Variants in SNTG1 observed in about 807,000 individuals in gnomAD.
SNTG1 encodes syntrophin gamma 1, also known as gamma-1-syntrophin.
A neutral mutation model predicts 74.7 loss-of-function variants in SNTG1; 39 were observed. That is an observed-to-expected ratio of 0.52 (90% CI 0.40 to 0.68). The LOEUF is 0.68. Among genes scored for constraint, SNTG1 ranks in the 30% least tolerant of loss-of-function variants. SNTG1 has a pLI of 0.00. For missense variants in SNTG1, 685 were observed against 609.5 expected, an observed-to-expected ratio of 1.12 and a Z score of -1.30; for synonymous variants, 254 against 217.1, an observed-to-expected ratio of 1.17 and a Z score of -1.49.
rs117347591 is a variant in SNTG1, at chr8:50,758,346, G to A, written c.1395+6235G>A. Among the ~76,000 whole-genome samples the A allele has an allele frequency of 3.4e-3, 514 of 151,954 alleles. 1 individual carries two copies. Among genetic ancestry groups the A allele is most frequent in the Non-Finnish European group, 6.1e-3 (411 of 67,910 alleles). On this transcript the variant is annotated intron_variant, in intron 18 of 18. Coordinates refer to ENST00000642720, the MANE Select transcript of SNTG1 (RefSeq NM_018967.5). ...TTTAATTGTTTTTATTATAATTTAA[G>A]TTCAGAGATAAATGTGCAGAATGTG...
At chr8:50,671,515 A>T (rs746927818) in intron 15 of SNTG1, among the ~76,000 whole-genome samples, 253 of 152,286 alleles carry the variant, frequency 1.7e-3, no homozygotes, top group Non-Finnish European at 2.6e-3. Context: ...CACCAGTTAG[A>T]ATGGCGATCA....
chr8:49,978,366 G>A (rs1812378424), intron 1 of SNTG1, among the ~76,000 whole-genome samples: 1 of 152,078 alleles, frequency 6.6e-6, no homozygotes, highest in South Asian at 2.1e-4. Context: ...GACCAAAGAT[G>A]AAGAAAAGAA....
At chr8:50,003,570 G>A (rs1814944231) in intron 1 of SNTG1, among the ~76,000 whole-genome samples, 1 of 152,044 alleles carries the variant, frequency 6.6e-6, no homozygotes, top group African/African-American at 2.4e-5. Context: ...GGAATTTTTT[G>A]TCTTACTTTA....
chr8:49,953,383 T>C (rs1809896149), intron 1 of SNTG1, among the ~76,000 whole-genome samples: 1 of 152,166 alleles, frequency 6.6e-6, no homozygotes. Flanking sequence ...CATTGTCCTC[T>C]GTCCTTCCTT....
intron 1 of SNTG1, among the ~76,000 whole-genome samples, chr8:50,150,360 C>A (rs2082023546): frequency 6.6e-6 from 1 of 152,152 alleles, no homozygotes; most frequent in Non-Finnish European, 1.5e-5. Context: ...TTGACTACCT[C>A]TTTTCCTAAT....
At chr8:50,738,067 G>A (rs1037083907) in intron 17 of SNTG1, among the ~76,000 whole-genome samples, 3 of 151,984 alleles carry the variant, frequency 2.0e-5, no homozygotes, top group Admixed American at 6.6e-5. Context: ...AGGGCAATCA[G>A]GCAAGAGAAA....
intron 2 of SNTG1, among the ~76,000 whole-genome samples, chr8:50,206,639 T>C (rs968457856): frequency 6.6e-6 from 1 of 152,210 alleles, no homozygotes; most frequent in Non-Finnish European, 1.5e-5. Context: ...ATCCCTGTCT[T>C]GTGCCAGTTT....
At chr8:50,740,812 A>T (rs1358064052) in intron 17 of SNTG1, among the ~76,000 whole-genome samples, 2 of 152,078 alleles carry the variant, frequency 1.3e-5, no homozygotes, top group African/African-American at 4.8e-5. Context: ...AGCAGCCATA[A>T]AAAAGAATGA....
At chr8:50,027,151 T>C (rs1312965634) in intron 1 of SNTG1, among the ~76,000 whole-genome samples, 1 of 152,082 alleles carries the variant, frequency 6.6e-6, no homozygotes, top group Non-Finnish European at 1.5e-5. Context: ...AAAGTGGGGG[T>C]GAAAGCGGGT....
At chr8:50,243,682 T>TA (rs2086264596) in intron 2 of SNTG1, among the ~76,000 whole-genome samples, 1 of 134,624 alleles carries the variant, frequency 7.4e-6, no homozygotes, top group South Asian at 2.6e-4. Flanking sequence ...TCAGGGTAAT[T>TA]AATTAATTTT....
intron 2 of SNTG1, among the ~76,000 whole-genome samples, chr8:50,250,980 T>G (rs1045647829): frequency 6.1e-5 from 6 of 98,204 alleles, no homozygotes; most frequent in African/African-American, 1.8e-4. Context: ...TTACAGTATG[T>G]AGGTTTAAAG....
At chr8:50,093,677 A>G (rs1297958995) in intron 1 of SNTG1, among the ~76,000 whole-genome samples, 1 of 152,166 alleles carries the variant, frequency 6.6e-6, no homozygotes, top group East Asian at 1.9e-4. Flanking sequence ...GATGCTAAGT[A>G]TTATAAAATT....
chr8:50,527,143 T>A (rs541783477), intron 9 of SNTG1, among the ~76,000 whole-genome samples: 48 of 152,130 alleles, frequency 3.2e-4, no homozygotes, highest in Non-Finnish European at 5.4e-4. Flanking sequence ...GCATATCTTC[T>A]TTTGGAAAGC....
chr8:50,229,647 C>A (rs1586774390), intron 2 of SNTG1, among the ~76,000 whole-genome samples: 1 of 100,950 alleles, frequency 9.9e-6, no homozygotes, highest in South Asian at 3.0e-4. Context: ...TAGTTTGAGA[C>A]TTTATCACCC....
At position 50,777,934 on chromosome 8, in the gene SNTG1, T is replaced by C. The variant is rs552128751; in HGVS notation, c.1396-14737T>C. 2.6e-5 allele frequency among the ~76,000 whole-genome samples: 4 copies of C among 152,100 alleles called. No individual in the cohort carries two copies. In the East Asian group the frequency reaches 7.8e-4, roughly 30 times the overall value. On this transcript the variant is annotated intron_variant, in intron 18 of 18. Coordinates refer to ENST00000642720, the MANE Select transcript of SNTG1 (RefSeq NM_018967.5). ...GATCTCATTGTTCAATTCCCACCTA[T>C]GAGTGAGAATATGCGGTGTTTGGTT...
intron 16 of SNTG1, chr8:50,708,556 C>A (rs959416022): frequency 6.7e-5 from 15 of 222,860 alleles, no homozygotes; most frequent in Non-Finnish European, 1.3e-4. Flanking sequence ...CATAAACTTG[C>A]CTACACCTAA....
intron 17 of SNTG1, among the ~76,000 whole-genome samples, chr8:50,709,999 G>A (rs2095457202): frequency 6.6e-6 from 1 of 152,208 alleles, no homozygotes; most frequent in Non-Finnish European, 1.5e-5. Flanking sequence ...GAAAGATGGA[G>A]TGTAGGAGGC....
chr8:50,674,720 T>C, intron 15 of SNTG1, among the ~76,000 whole-genome samples: 1 of 152,140 alleles, frequency 6.6e-6, no homozygotes, highest in South Asian at 2.1e-4. Flanking sequence ...TTGAATTAGT[T>C]TGCTCTTGCC....
intron 2 of SNTG1, among the ~76,000 whole-genome samples, chr8:50,276,976 C>T (rs2088150011): frequency 1.3e-5 from 2 of 151,966 alleles, no homozygotes; most frequent in African/African-American, 2.4e-5. Flanking sequence ...ACTACAGGCA[C>T]CCACCACCAC....
Sources: allele counts gnomAD v4.1 joint callset (sites outside exome capture counted in the v4.1 genomes callset), GRCh38; gene constraint gnomAD v4.1.1; transcripts MANE v1.5; gene names NCBI Gene and HGNC (gene_info 2026-07-23, HGNC 2026-07-21).